Variants in SNTG1 observed in about 807,000 individuals in gnomAD.
The protein encoded by SNTG1 is gamma-1-syntrophin.
A neutral mutation model predicts 74.7 loss-of-function variants in SNTG1; 39 were observed. The observed-to-expected ratio is 0.52, with a 90% CI of 0.40 to 0.68. The LOEUF is 0.68. Ranked by LOEUF, SNTG1 falls within the 30% of genes least tolerant of loss-of-function variation. SNTG1 has a pLI of 0.00. For synonymous variants in SNTG1, 254 were observed against 217.1 expected (o/e 1.17, Z -1.49); for missense variants, 685 against 609.5 (o/e 1.12, Z -1.30).
chr8:50,259,742 A>G (rs1256657604), intron 2 of SNTG1, among the ~76,000 whole-genome samples: 1 of 152,152 alleles, frequency 6.6e-6, no homozygotes, highest in African/African-American at 2.4e-5. Flanking sequence ...ACAAACTGAA[A>G]ATCAAAAACT....
chr8:50,257,801 C>T (rs1007117196), intron 2 of SNTG1, among the ~76,000 whole-genome samples: 1 of 152,132 alleles, frequency 6.6e-6, no homozygotes, highest in African/African-American at 2.4e-5. Flanking sequence ...ACCCTACTGC[C>T]GCAAATGGAG....
chr8:50,150,983 T>G (rs527248384), intron 1 of SNTG1, among the ~76,000 whole-genome samples: 1 of 152,330 alleles, frequency 6.6e-6, no homozygotes, highest in Non-Finnish European at 1.5e-5. Context: ...TCAGAAGGAA[T>G]GGTACCAGCT....
chr8:50,582,610 G>C (rs955673095), intron 12 of SNTG1, among the ~76,000 whole-genome samples: 1 of 151,942 alleles, frequency 6.6e-6, no homozygotes, highest in Non-Finnish European at 1.5e-5. Flanking sequence ...TTGAGGTACT[G>C]CAATTTTTCT....
At chr8:50,091,817 A>G (rs1364986079) in intron 1 of SNTG1, among the ~76,000 whole-genome samples, 1 of 152,078 alleles carries the variant, frequency 6.6e-6, no homozygotes, top group Non-Finnish European at 1.5e-5. Context: ...AAAACTTTTT[A>G]AATTTAATTT....
Position 50,235,207 on chromosome 8 carries a change from C to G in SNTG1, c.-28+62572C>G, listed in dbSNP as rs190105870. Among the ~76,000 whole-genome samples, 284 of 152,112 alleles carry G rather than the reference C, an allele frequency of 1.9e-3. 3 individuals are homozygous for G. The highest frequency in any genetic ancestry group is 5.9e-3 in the African/African-American group (245 of 41,490). ...TGGAAGTAACATACGTGACCACCAA[C>G]AAATGAATGGATAAAGAAAATGTGG... On this transcript the variant is annotated intron_variant, in intron 2 of 18. Transcript: ENST00000642720.
At chr8:50,326,343 T>C (rs1165326485) in intron 2 of SNTG1, among the ~76,000 whole-genome samples, 2 of 152,080 alleles carry the variant, frequency 1.3e-5, no homozygotes, top group Non-Finnish European at 2.9e-5. Context: ...GGAAAGGTTA[T>C]TAATTATTGC....
chr8:50,296,415 A>G (rs4618709), intron 2 of SNTG1, among the ~76,000 whole-genome samples: 79,517 of 152,036 alleles, frequency 0.52, 23,808 homozygotes, highest in East Asian at 0.83. Flanking sequence ...CATATACACC[A>G]TGGAATACTA....
chr8:49,910,508 A>G (rs1471118120), upstream of SNTG1, among the ~76,000 whole-genome samples: 4 of 152,128 alleles, frequency 2.6e-5, no homozygotes, highest in Non-Finnish European at 5.9e-5. Flanking sequence ...CAGTTTTCCA[A>G]CAGTTTCAAC....
At chr8:50,023,730 G>T (rs1817026383) in intron 1 of SNTG1, among the ~76,000 whole-genome samples, 1 of 152,100 alleles carries the variant, frequency 6.6e-6, no homozygotes, top group Admixed American at 6.6e-5. Context: ...TGAAGCAAAT[G>T]CAGTTTCCCT....
At chr8:50,004,586 C>G (rs1328130812) in intron 1 of SNTG1, among the ~76,000 whole-genome samples, 1 of 152,174 alleles carries the variant, frequency 6.6e-6, no homozygotes, top group African/African-American at 2.4e-5. Flanking sequence ...ATCTTCTCAT[C>G]TTTTTCTCCA....
chr8:50,089,611 C>A (rs934451429), intron 1 of SNTG1, among the ~76,000 whole-genome samples: 2 of 152,186 alleles, frequency 1.3e-5, no homozygotes, highest in African/African-American at 4.8e-5. Context: ...TGAACAGACA[C>A]TTCTCAAAAG....
intron 2 of SNTG1, among the ~76,000 whole-genome samples, chr8:50,327,147 G>C (rs546515961): frequency 1.3e-5 from 2 of 152,196 alleles, no homozygotes; most frequent in East Asian, 1.9e-4. Context: ...ATGTGAGCTT[G>C]AGAAGAATGT....
Position 50,593,717 on chromosome 8 carries a change from C to CTT in SNTG1, c.849+2815_849+2816dup, listed in dbSNP as rs1183759564. 1.7e-3 allele frequency among the ~76,000 whole-genome samples: 226 copies of CTT among 136,060 alleles called. 1 individual carries two copies. The highest frequency in any genetic ancestry group is 5.0e-3 in the African/African-American group (184 of 36,974). The allele number at this position is 136,060 out of a possible 152,430, so 89.3% of individuals were successfully genotyped here. On this transcript the variant is annotated intron_variant, in intron 13 of 18. Coordinates refer to ENST00000642720, the MANE Select transcript of SNTG1 (RefSeq NM_018967.5). ...GTTCTATTAAGATTCTGATTTGGTT[C>CTT]TTTTTTTTTTTTTTTTGAGAGACAG...
chr8:50,278,977 A>G (rs2088278717), intron 2 of SNTG1, among the ~76,000 whole-genome samples: 1 of 152,156 alleles, frequency 6.6e-6, no homozygotes, highest in African/African-American at 2.4e-5. Flanking sequence ...ACAAAGTTAT[A>G]GAAATAAAGG....
chr8:50,657,747 T>C (rs1295312975), intron 14 of SNTG1, among the ~76,000 whole-genome samples: 2 of 152,156 alleles, frequency 1.3e-5, no homozygotes, highest in African/African-American at 2.4e-5. Flanking sequence ...GGTCTCTCTA[T>C]ATAAAATCAA....
At chr8:50,790,082 G>A (rs1164054711) in intron 18 of SNTG1, among the ~76,000 whole-genome samples, 1 of 151,928 alleles carries the variant, frequency 6.6e-6, no homozygotes, top group African/African-American at 2.4e-5. Flanking sequence ...AAGGCAACAT[G>A]AATTTTCCTT....
At chr8:50,384,555 C>T (rs1307257638) in intron 2 of SNTG1, among the ~76,000 whole-genome samples, 3 of 152,278 alleles carry the variant, frequency 2.0e-5, no homozygotes, top group Admixed American at 2.0e-4. Flanking sequence ...GGGAATTATG[C>T]CATACTGGGC....
At chr8:50,716,149 A>G (rs1256930540) in intron 17 of SNTG1, among the ~76,000 whole-genome samples, 1 of 152,180 alleles carries the variant, frequency 6.6e-6, no homozygotes, top group Non-Finnish European at 1.5e-5. Flanking sequence ...AAGCATTTAT[A>G]TGATCATAAT....
At chr8:50,734,883 ATC>A (rs1275077421) in intron 17 of SNTG1, among the ~76,000 whole-genome samples, 1 of 138,342 alleles carries the variant, frequency 7.2e-6, no homozygotes, top group African/African-American at 2.7e-5. Context: ...ACATATATAT[ATC>A]TATATATATG....
Sources: gnomAD v4.1 joint callset for allele counts (sites outside exome capture counted in the v4.1 genomes callset) on GRCh38, gnomAD v4.1.1 for gene constraint, MANE v1.5 for transcripts, NCBI Gene and HGNC (gene_info 2026-07-23, HGNC 2026-07-21) for gene names.